The following SNAI3 variants were observed in gnomAD, a reference collection of about 807,000 sequenced individuals.
SNAI3 encodes zinc finger protein SNAI3.
SNAI3 carries 21 observed loss-of-function variants against 16.4 expected under a neutral mutation model. The observed-to-expected ratio is 1.28, with a 90% CI of 0.91 to 1.85. SNAI3 has a LOEUF of 1.85. Ranked by LOEUF, SNAI3 falls within the 40% of genes most tolerant of loss-of-function variation. SNAI3 has a pLI of 0.00. For synonymous variants in SNAI3, 202 were observed against 166.6 expected, an observed-to-expected ratio of 1.21 and a Z score of -1.64; for missense variants, 457 against 372.8, an observed-to-expected ratio of 1.23 and a Z score of -1.86.
At position 88,678,601 on chromosome 16, in the gene SNAI3, G is replaced by A; in HGVS notation, c.726C>T (p.Cys242=). 1 of 1,094,528 alleles carries A rather than the reference G, an allele frequency of 9.1e-7. No homozygotes were observed. The highest frequency in any genetic ancestry group is 1.7e-5 in the Admixed American group (1 of 59,372). 67.8% of individuals were successfully genotyped at this position (1,094,528 alleles called of 1,614,324 possible). A position where few individuals can be genotyped will look rare whatever the true frequency, so the allele number is the denominator to read the frequency against. Residue 242 remains cysteine (C), a synonymous_variant, in exon 3 of 3, where the codon TGC becomes TGT. Coordinates refer to ENST00000332281, the MANE Select transcript of SNAI3 (RefSeq NM_178310.4). ...TGGAGCGGTCGGCAAAGGCCCTGCT[G>A]CAGTGCGAGCAGGCATAGGGCTTCT... ...TGEKPYACSH[C]SRAFADRSNL... is the part of the protein sequence containing the mutation.
rs1432685492 is a variant in SNAI3, at chr16:88,684,526, C to A, written c.76+1805G>T. 3.3e-5 allele frequency among the ~76,000 whole-genome samples: 5 copies of A among 152,288 alleles called. No homozygotes were observed. In the East Asian group the frequency reaches 7.7e-4, roughly 24 times the overall value. ...TTTGTTTTGTTTTGAGACAGAGTCTCGCTCTGTCGCCCAGGTTGGAGTGCA... is the reference window on the plus strand; with the variant it reads ...TTTGTTTTGTTTTGAGACAGAGTCTAGCTCTGTCGCCCAGGTTGGAGTGCA... On this transcript the variant is annotated intron_variant, in intron 1 of 2. Transcript: ENST00000332281.
chr16:88,685,575 T>A (rs1015580168), intron 1 of SNAI3: 107 of 152,344 alleles, frequency 7.0e-4, no homozygotes, highest in African/African-American at 2.5e-3. Context: ...CAGGCTGTCC[T>A]CTGAAGGACA....
At chr16:88,684,969 G>A (rs971648984) in intron 1 of SNAI3, among the ~76,000 whole-genome samples, 1 of 152,208 alleles carries the variant, frequency 6.6e-6, no homozygotes. Flanking sequence ...AGGCAGCTGG[G>A]GCTACAGTGA....
rs142570010 is a variant in SNAI3 at position 88,681,607 on chromosome 16, A to C, written c.184T>G (p.Ser62Ala). 38 of 1,497,466 alleles carry C rather than the reference A, an allele frequency of 2.5e-5. 1 individual carries two copies. The African/African-American group carries it at 4.5e-4, about 18-fold the overall frequency. The allele number at this position is 1,497,466 out of a possible 1,614,324, so 92.8% of individuals were successfully genotyped here. Residue 62 changes from serine (S) to alanine (A), a missense_variant, in exon 2 of 3, where the codon TCC becomes GCC. Physicochemically the swap from Ser to Ala is moderately conservative, Grantham distance 99. Transcript: ENST00000332281. The surrounding 1 kb of genome is among the most constrained non-coding windows in gnomAD (Gnocchi z 5.4). Reference sequence around the variant, plus strand: ...AGGGAGATGCAGGCGACGGCCGAGGAGCGGTCCCAGGGCTGGGGAAGGTCA... The same window carrying C: ...AGGGAGATGCAGGCGACGGCCGAGGCGCGGTCCCAGGGCTGGGGAAGGTCA... ...PGDLPQPWDR[S>A]SAVACISLPL...
At chr16:88,680,204 C>T (rs770286569) in intron 2 of SNAI3, among the ~76,000 whole-genome samples, 8 of 151,212 alleles carry the variant, frequency 5.3e-5, no homozygotes, top group Non-Finnish European at 7.4e-5. Context: ...ACAGAAAGCC[C>T]GGGCAGAGGC....
intron 1 of SNAI3, among the ~76,000 whole-genome samples, chr16:88,683,800 G>T (rs1247007568): frequency 6.6e-6 from 1 of 151,412 alleles, no homozygotes; most frequent in East Asian, 2.0e-4. Flanking sequence ...CAAGGGATCT[G>T]CCCACCTCAG....
intron 1 of SNAI3, among the ~76,000 whole-genome samples, chr16:88,683,675 A>G (rs545032911): frequency 6.7e-6 from 1 of 148,930 alleles, no homozygotes; most frequent in Admixed American, 6.9e-5. Flanking sequence ...CTCCTGCCTC[A>G]GCCTCCTGAT....
chr16:88,678,539 T>A lies in SNAI3; in HGVS notation c.788A>T (p.Lys263Met), dbSNP rs1393612979. ...GGTGCAGCGCCGGCACCGGTACTTCTTGGCGTCTGAGTGCGTTTGCAGATG... is the reference window on the plus strand; with the variant it reads ...GGTGCAGCGCCGGCACCGGTACTTCATGGCGTCTGAGTGCGTTTGCAGATG... Reference protein sequence around the residue: ...RAHLQTHSDAKKYRCRRCTKT... With the variant: ...RAHLQTHSDAMKYRCRRCTKT... The change falls in exon 3 of 3, where the codon AAG (lysine) becomes ATG (methionine). Residue 263 changes from lysine (K) to methionine (M), a missense_variant. Lys to Met is a moderately conservative substitution (Grantham distance 95). Coordinates refer to ENST00000332281, the MANE Select transcript of SNAI3 (RefSeq NM_178310.4). 1.2e-6 allele frequency: 1 copy of A among 802,672 alleles called. No homozygotes were observed. Among genetic ancestry groups the A allele is most frequent in the African/African-American group, 1.7e-5 (1 of 59,670 alleles). 49.7% of individuals were successfully genotyped at this position (802,672 alleles called of 1,614,324 possible). A position where few individuals can be genotyped will look rare whatever the true frequency, so the allele number is the denominator to read the frequency against.
In SNAI3 at chr16:88,682,919, C is replaced by T. The variant is rs549453623; in HGVS notation, c.77-1205G>A. 2.0e-3 allele frequency among the ~76,000 whole-genome samples: 294 copies of T among 150,490 alleles called. 3 individuals are homozygous for T. The highest frequency in any genetic ancestry group is 6.9e-3 in the African/African-American group (285 of 41,028). ...CCTCCTGCGTAGCTGGGAGTACAGGCGCCTGCCACCACGCCCGGCTAATTT... is the reference window on the plus strand; with the variant it reads ...CCTCCTGCGTAGCTGGGAGTACAGGTGCCTGCCACCACGCCCGGCTAATTT... On this transcript the variant is annotated intron_variant, in intron 1 of 2. Transcript: ENST00000332281.
At chr16:88,682,210 C>T (rs1271226296) in intron 1 of SNAI3, among the ~76,000 whole-genome samples, 4 of 152,192 alleles carry the variant, frequency 2.6e-5, no homozygotes, top group African/African-American at 7.2e-5. Flanking sequence ...AACTAATCAC[C>T]CTCCAGTCAC....
chr16:88,683,253 T>C (rs898041245), intron 1 of SNAI3, among the ~76,000 whole-genome samples: 10 of 151,590 alleles, frequency 6.6e-5, no homozygotes, highest in African/African-American at 2.4e-4. Context: ...CCACCATGCC[T>C]GGCTAATTTT....
Position 88,678,473 on chromosome 16 carries a change from T to G in SNAI3, c.854A>C (p.Glu285Ala), listed in dbSNP as rs762017463. 3.9e-6 allele frequency: 3 copies of G among 776,054 alleles called. No individual in the cohort carries two copies. The highest frequency in any genetic ancestry group is 2.2e-4 in the Middle Eastern group (1 of 4,462). 48.1% of individuals were successfully genotyped at this position (776,054 alleles called of 1,614,324 possible). The change falls in exon 3 of 3, where the codon GAG becomes GCG. Residue 285 changes from glutamate (E) to alanine (A), a missense_variant. Physicochemically the swap from Glu to Ala is moderately radical, Grantham distance 107. Transcript: ENST00000332281. ...TCAGGGGCCCGGGCAGCAGCCAGAC[T>G]CCTCATGCCGCGCCAGGAGGGACAT... ...SRMSLLARHE[E>A]SGCCPGP
rs1000791606 is a variant in SNAI3, at chr16:88,680,328, C to G, written c.697+766G>C. Reference sequence around the variant, plus strand: ...TTGAGACAGAGTCTCGCTCTGTCACCAGGCTGGAGGGCAGTGGCGCAATCT... The same window carrying G: ...TTGAGACAGAGTCTCGCTCTGTCACGAGGCTGGAGGGCAGTGGCGCAATCT... On this transcript the variant is annotated intron_variant, in intron 2 of 2. Transcript: ENST00000332281. 5.5e-5 allele frequency among the ~76,000 whole-genome samples: 7 copies of G among 128,134 alleles called. No individual in the cohort carries two copies. In the East Asian group the frequency reaches 1.9e-3, roughly 34 times the overall value. 84.1% of individuals were successfully genotyped at this position (128,134 alleles called of 152,430 possible). A position where few individuals can be genotyped will look rare whatever the true frequency, so the allele number is the denominator to read the frequency against.
rs747584317 is a variant in SNAI3, at chr16:88,678,398, A to G, written c.*50T>C. ...CTCCTCTGGGGGCAGGAGGGACGCC[A>G]GCTCTCCCGGTGAGGACCATCCCTC... On this transcript the variant is annotated 3_prime_UTR_variant, in exon 3 of 3. Coordinates refer to ENST00000332281, the MANE Select transcript of SNAI3 (RefSeq NM_178310.4). 2.9e-6 allele frequency: 2 copies of G among 694,922 alleles called. No homozygotes were observed. The highest frequency in any genetic ancestry group is 1.7e-5 in the African/African-American group (1 of 57,818). 43.0% of individuals were successfully genotyped at this position (694,922 alleles called of 1,614,324 possible).
chr16:88,684,549 G>A (rs1213256190), intron 1 of SNAI3, among the ~76,000 whole-genome samples: 2 of 152,206 alleles, frequency 1.3e-5, no homozygotes, highest in Non-Finnish European at 2.9e-5. Flanking sequence ...AGGTTGGAGT[G>A]CAGGGGCGCG....
At chr16:88,682,523 A>G (rs971802569) in intron 1 of SNAI3, among the ~76,000 whole-genome samples, 1 of 152,234 alleles carries the variant, frequency 6.6e-6, no homozygotes, top group Non-Finnish European at 1.5e-5. Flanking sequence ...CCCAAAGCCA[A>G]AATCTCCCAA....
intron 2 of SNAI3, among the ~76,000 whole-genome samples, chr16:88,680,576 T>C (rs530179212): frequency 6.6e-6 from 1 of 151,714 alleles, no homozygotes; most frequent in African/African-American, 2.4e-5. Flanking sequence ...TGAGCCTCCA[T>C]GCCTGGTGGG....
intron 2 of SNAI3, chr16:88,679,152 C>T (rs979961337): frequency 3.1e-6 from 3 of 956,084 alleles, no homozygotes; most frequent in Non-Finnish European, 3.7e-6. Context: ...GAGACCTCAG[C>T]CTGCAGCCCC....
chr16:88,686,327 G>C lies in SNAI3; in HGVS notation c.76+4C>G. ...CAGGGGCTCGGGGATCGGGTAGTCA[G>C]TACCTCTCTGCGTCTCCAGCCGCCG... On this transcript the variant is annotated splice_donor_region_variant and intron_variant, in intron 1 of 2. Coordinates refer to ENST00000332281, the MANE Select transcript of SNAI3 (RefSeq NM_178310.4). 1 of 1,610,980 alleles carries C rather than the reference G, an allele frequency of 6.2e-7. No individual in the cohort carries two copies. The highest frequency in any genetic ancestry group is 8.5e-7 in the Non-Finnish European group (1 of 1,179,330).
Sources: allele counts gnomAD v4.1 joint callset (sites outside exome capture counted in the v4.1 genomes callset), GRCh38; gene constraint gnomAD v4.1.1; non-coding constraint Gnocchi (gnomAD v3.1); transcripts MANE v1.5; gene names NCBI Gene and HGNC (gene_info 2026-07-23, HGNC 2026-07-21).